Variants in ATP13A3 observed in about 807,000 individuals in gnomAD.
ATP13A3 encodes the protein polyamine-transporting ATPase 13A3.
ATP13A3 carries 59 observed loss-of-function variants against 158.1 expected under a neutral mutation model. The ratio of observed to expected loss-of-function variants is 0.37; its 90% CI spans 0.30 to 0.46. The LOEUF (loss-of-function observed/expected upper bound fraction) is 0.46, where lower values mean the gene tolerates loss of function less well. Ranked by LOEUF, ATP13A3 falls within the 20% of genes least tolerant of loss-of-function variation. ATP13A3 has a pLI of 1.00. For synonymous variants in ATP13A3, 491 were observed against 504.3 expected, an observed-to-expected ratio of 0.97 and a Z score of 0.35; for missense variants, 1,166 against 1,525.2, an observed-to-expected ratio of 0.76 and a Z score of 3.92.
At chr3:194,456,533 G>A (rs1719242175) in intron 7 of ATP13A3, among the ~76,000 whole-genome samples, 1 of 151,990 alleles carries the variant, frequency 6.6e-6, no homozygotes, top group African/African-American at 2.4e-5. Flanking sequence ...GAAAGAACAT[G>A]TTACAGAACT....
chr3:194,460,069 A>C, intron 4 of ATP13A3, 98 bp from the exon 5 acceptor site: 6 of 1,000,250 alleles, frequency 6.0e-6, no homozygotes, highest in South Asian at 1.8e-5. Context: ...TTATTTCCTC[A>C]TCTCTAATTG....
chr3:194,433,948 A>T, intron 20 of ATP13A3, 52 bp from the exon 21 acceptor site: 1 of 1,531,696 alleles, frequency 6.5e-7, no homozygotes, highest in Non-Finnish European at 8.9e-7. Flanking sequence ...TGAGTAAGCA[A>T]CTTATGTACA....
At chr3:194,478,872 C>A (rs1425320420) in intron 2 of ATP13A3, among the ~76,000 whole-genome samples, 2 of 152,138 alleles carry the variant, frequency 1.3e-5, no homozygotes, top group Non-Finnish European at 2.9e-5. Flanking sequence ...CCCCAGCATC[C>A]AGCCCTGTGT....
intron 11 of ATP13A3, among the ~76,000 whole-genome samples, chr3:194,449,692 A>AC (rs1718670577): frequency 7.0e-6 from 1 of 142,956 alleles, no homozygotes; most frequent in African/African-American, 2.7e-5. Flanking sequence ...AAACAAACAA[A>AC]AAAAAAACAA....
intron 31 of ATP13A3, 29 bp downstream of exon 31, chr3:194,419,850 C>A: frequency 6.4e-7 from 1 of 1,550,894 alleles, no homozygotes. Flanking sequence ...AGTCTTTTTC[C>A]CCAAACAAAT....
upstream of ATP13A3, among the ~76,000 whole-genome samples, chr3:194,491,438 C>T (rs1473106911): frequency 6.6e-6 from 1 of 152,114 alleles, no homozygotes; most frequent in African/African-American, 2.4e-5. Flanking sequence ...CAAATCCTTC[C>T]CCATTGCTCC....
At chr3:194,406,247 G>A in intron 33 of ATP13A3, 131 bp from the exon 34 acceptor site, 8 of 967,022 alleles carry the variant, frequency 8.3e-6, no homozygotes, top group Non-Finnish European at 1.2e-5. Flanking sequence ...CAACGAATGG[G>A]GGAAAAAAAA....
chr3:194,419,959 C>CA lies in ATP13A3; in HGVS notation c.3321dup (p.Val1108CysfsTer23). ...ATATATAAAAAAATCACAGAAAAAA[C>CA]AAAAAAATCTGGAAAAGACAGCAAA... On this transcript the variant is annotated frameshift_variant, in exon 31 of 34. Transcript: ENST00000645319. LOFTEE classifies it high-confidence loss of function. 2 of 1,519,332 alleles carry CA rather than the reference C, an allele frequency of 1.3e-6. No individual in the cohort carries two copies. Among genetic ancestry groups the CA allele is most frequent in the African/African-American group, 1.5e-5 (1 of 68,710 alleles). 94.1% of individuals were successfully genotyped at this position (1,519,332 alleles called of 1,614,324 possible).
At chr3:194,419,992 C>T (rs369809673) in intron 30 of ATP13A3, 25 bp from the exon 31 acceptor site, 438 of 1,497,350 alleles carry the variant, frequency 2.9e-4, no homozygotes, top group Non-Finnish European at 3.6e-4. Flanking sequence ...AAAAGTAAAA[C>T]AAGTAAATTA....
chr3:194,480,435 CA>C (rs78998720), intron 2 of ATP13A3, among the ~76,000 whole-genome samples: 15,131 of 152,150 alleles, frequency 0.099, 1,223 homozygotes, highest in African/African-American at 0.22. Context: ...CTTTAAATTT[CA>C]TGGAATCCAT....
Position 194,448,383 on chromosome 3 carries a change from T to C in ATP13A3, c.1150+74A>G. On this transcript the variant is annotated intron_variant, in intron 12 of 33. Coordinates refer to ENST00000645319, the MANE Select transcript of ATP13A3 (RefSeq NM_001367549.1). The surrounding 1 kb of genome is among the most constrained non-coding windows in gnomAD (Gnocchi z 4.0). ...GTTAGCCACAGCACCCAGCCCAGAA[T>C]CTCTTTTTAAACATTTAGTAGGTAT... 6.5e-7 allele frequency: 1 copy of C among 1,539,238 alleles called. No homozygotes were observed. The highest frequency in any genetic ancestry group is 8.9e-7 in the Non-Finnish European group (1 of 1,119,738).
chr3:194,423,387 C>T (rs1716526784), intron 30 of ATP13A3, among the ~76,000 whole-genome samples: 1 of 152,192 alleles, frequency 6.6e-6, no homozygotes. Flanking sequence ...CAACAACTGG[C>T]AGGTCCTAGC....
intron 20 of ATP13A3, among the ~76,000 whole-genome samples, chr3:194,435,953 G>T (rs985623768): frequency 6.6e-6 from 1 of 152,110 alleles, no homozygotes; most frequent in South Asian, 2.1e-4. Flanking sequence ...TAGTGTTTAT[G>T]GGGGAAAATG....
rs1553796302 is a variant in ATP13A3 at position 194,421,114 on chromosome 3, GTA to G, written c.3314-1149_3314-1148del. Among the ~76,000 whole-genome samples the G allele has an allele frequency of 5.9e-3, 48 of 8,116 alleles. 7 individuals carry two copies. Among genetic ancestry groups the G allele is most frequent in the African/African-American group, 0.021 (36 of 1,748 alleles). 5.3% of individuals were successfully genotyped at this position (8,116 alleles called of 152,430 possible). A position where few individuals can be genotyped will look rare whatever the true frequency, so the allele number is the denominator to read the frequency against. ...GTTTATATATACCAGTGTGTAGGGT[GTA>G]TATATATATATATATATATAGTATA... On this transcript the variant is annotated intron_variant, in intron 30 of 33. Coordinates refer to ENST00000645319, the MANE Select transcript of ATP13A3 (RefSeq NM_001367549.1).
At chr3:194,435,830 C>A (rs907505772) in intron 20 of ATP13A3, among the ~76,000 whole-genome samples, 1 of 152,146 alleles carries the variant, frequency 6.6e-6, no homozygotes, top group Non-Finnish European at 1.5e-5. Context: ...TCGCTTGAAC[C>A]CGGGAGGCGG....
rs1307328446 is a variant in ATP13A3 at position 194,445,674 on chromosome 3, CA to C, written c.1498-889del. Among the ~76,000 whole-genome samples the C allele has an allele frequency of 3.3e-5, 5 of 152,238 alleles. No individual in the cohort carries two copies. In the East Asian group the frequency reaches 9.6e-4, roughly 29 times the overall value. On this transcript the variant is annotated intron_variant, in intron 14 of 33. Coordinates refer to ENST00000645319, the MANE Select transcript of ATP13A3 (RefSeq NM_001367549.1). Reference sequence around the variant, plus strand: ...ACTGATAAATATGAAATAATTGTAGCAGTATGTGACATATTTTTTTCTAACA... The same window carrying C: ...ACTGATAAATATGAAATAATTGTAGCGTATGTGACATATTTTTTTCTAACA...
At chr3:194,406,363 G>A (rs564269336) in intron 33 of ATP13A3, among the ~76,000 whole-genome samples, 5 of 152,266 alleles carry the variant, frequency 3.3e-5, no homozygotes, top group South Asian at 2.1e-4. Context: ...CCAGGAGTTC[G>A]AGACCAGCCT....
intron 2 of ATP13A3, chr3:194,468,244 A>G (rs1322061392): frequency 6.6e-6 from 1 of 152,152 alleles, no homozygotes; most frequent in Non-Finnish European, 1.5e-5. Flanking sequence ...AATAAATCCT[A>G]GCTAGTTAGC....
chr3:194,429,640 C>T, intron 27 of ATP13A3, 38 bp downstream of exon 27: 1 of 1,445,936 alleles, frequency 6.9e-7, no homozygotes, highest in Admixed American at 1.8e-5. Flanking sequence ...TTACGGTGCA[C>T]ATTAAGTGTT....
Sources: allele counts gnomAD v4.1 joint callset (sites outside exome capture counted in the v4.1 genomes callset), GRCh38; gene constraint gnomAD v4.1.1; non-coding constraint Gnocchi (gnomAD v3.1); transcripts MANE v1.5; gene names NCBI Gene and HGNC (gene_info 2026-07-23, HGNC 2026-07-21).